Variants in TRPC4 observed in about 807,000 individuals in gnomAD.
TRPC4 encodes the protein short transient receptor potential channel 4.
In TRPC4, 49 loss-of-function variants were observed where a neutral mutation model predicts 99.4. That is an observed-to-expected ratio of 0.49 (90% CI 0.39 to 0.63). The LOEUF is 0.63. Among genes scored for constraint, TRPC4 ranks in the 20% least tolerant of loss-of-function variants. The pLI is 0.00. For missense variants in TRPC4, 898 were observed against 1,152.9 expected (o/e 0.78, Z 3.20); for synonymous variants, 454 against 425.9 (o/e 1.07, Z -0.81).
intron 1 of TRPC4, among the ~76,000 whole-genome samples, chr13:37,804,573 T>G (rs1957483008): frequency 6.6e-6 from 1 of 152,252 alleles, no homozygotes; most frequent in Non-Finnish European, 1.5e-5. Flanking sequence ...TTTTATAGAT[T>G]GGAAAGTATT....
intron 5 of TRPC4, among the ~76,000 whole-genome samples, chr13:37,673,698 T>C (rs572523936): frequency 1.3e-4 from 20 of 152,156 alleles, no homozygotes; most frequent in South Asian, 2.1e-4. Flanking sequence ...GGGGGAGTAA[T>C]GAGTGTGTGA....
At chr13:37,689,119 GTT>G (rs1953594489) in intron 4 of TRPC4, among the ~76,000 whole-genome samples, 1 of 152,178 alleles carries the variant, frequency 6.6e-6, no homozygotes, top group Admixed American at 6.5e-5. Context: ...GAAAGGATCA[GTT>G]TTCTCTGCCT....
At chr13:37,799,845 GACA>G (rs1957358740) in intron 1 of TRPC4, among the ~76,000 whole-genome samples, 1 of 152,142 alleles carries the variant, frequency 6.6e-6, no homozygotes, top group Admixed American at 6.5e-5. Flanking sequence ...CATCAAAACT[GACA>G]ATGAAAAAAT....
At chr13:37,833,123 G>A (rs9548060) in intron 1 of TRPC4, among the ~76,000 whole-genome samples, 34,197 of 151,790 alleles carry the variant, frequency 0.23, 4,010 homozygotes, top group African/African-American at 0.28. Context: ...TTGCTTCACA[G>A]AGATTTTTAA....
intron 5 of TRPC4, among the ~76,000 whole-genome samples, chr13:37,666,911 C>G (rs561289860): frequency 1.2e-4 from 18 of 149,164 alleles, no homozygotes; most frequent in African/African-American, 4.4e-4. Flanking sequence ...CTATTCTCAA[C>G]TATACATCTC....
At chr13:37,695,162 C>T (rs1953865511) in intron 3 of TRPC4, among the ~76,000 whole-genome samples, 1 of 151,910 alleles carries the variant, frequency 6.6e-6, no homozygotes, top group African/African-American at 2.4e-5. Flanking sequence ...CTGACTACCT[C>T]CCTCTCTTCC....
intron 3 of TRPC4, among the ~76,000 whole-genome samples, chr13:37,739,845 C>T (rs535738853): frequency 6.3e-4 from 96 of 152,064 alleles, no homozygotes; most frequent in African/African-American, 2.2e-3. Context: ...ATTTTCATAG[C>T]ATGAAATATT....
intron 6 of TRPC4, among the ~76,000 whole-genome samples, chr13:37,662,071 G>T (rs1566077309): frequency 6.6e-6 from 1 of 152,132 alleles, no homozygotes; most frequent in African/African-American, 2.4e-5. Flanking sequence ...CACTTTGGGA[G>T]GCTGTGGTGG....
intron 1 of TRPC4, among the ~76,000 whole-genome samples, chr13:37,813,069 CA>C (rs1957750336): frequency 6.6e-6 from 1 of 151,630 alleles, no homozygotes; most frequent in Non-Finnish European, 1.5e-5. Context: ...TAACCAACCA[CA>C]AAGGCATAAA....
intron 1 of TRPC4, among the ~76,000 whole-genome samples, chr13:37,796,121 G>C (rs936094646): frequency 2.5e-4 from 38 of 152,064 alleles, no homozygotes; most frequent in African/African-American, 8.4e-4. Context: ...GAGTGAGGCT[G>C]GTCTCAGAAT....
intron 4 of TRPC4, among the ~76,000 whole-genome samples, chr13:37,685,552 G>T (rs556084093): frequency 1.3e-5 from 2 of 151,814 alleles, no homozygotes; most frequent in Admixed American, 6.6e-5. Flanking sequence ...TTATTACTAC[G>T]ATTACTACTA....
chr13:37,789,111 G>C (rs1957046449), intron 1 of TRPC4, among the ~76,000 whole-genome samples: 1 of 151,984 alleles, frequency 6.6e-6, no homozygotes, highest in African/African-American at 2.4e-5. Flanking sequence ...CTTTCTTACT[G>C]ATAGTCTCTA....
Position 37,707,897 on chromosome 13 carries a change from G to A in TRPC4, c.898-15562C>T, listed in dbSNP as rs193258699. Among the ~76,000 whole-genome samples, 46 of 152,236 alleles carry A rather than the reference G, an allele frequency of 3.0e-4. 1 individual carries two copies. The highest frequency in any genetic ancestry group is 1.8e-3 in the Admixed American group (28 of 15,252). The stretch of plus-strand genomic sequence containing the variant: ...TAAGAAATGATAAAAGACAGTGAAA[G>A]CCAGAGATGTAGGTCCCAAAACTGA... On this transcript the variant is annotated intron_variant, in intron 3 of 10. Coordinates refer to ENST00000379705, the MANE Select transcript of TRPC4 (RefSeq NM_016179.4).
In TRPC4 at chr13:37,698,167, C is replaced by CTTTTTTT. The variant is rs67611413; in HGVS notation, c.898-5839_898-5833dup. Among the ~76,000 whole-genome samples the CTTTTTTT allele has an allele frequency of 2.0e-3, 83 of 42,562 alleles. 16 individuals are homozygous for CTTTTTTT. Among genetic ancestry groups the CTTTTTTT allele is most frequent in the Non-Finnish European group, 2.1e-3 (57 of 26,720 alleles). 27.9% of individuals were successfully genotyped at this position (42,562 alleles called of 152,430 possible). ...TCTCAAGGTTACTCCAAGGACTAAC[C>CTTTTTTT]TTTTTTTTTTTGAGTGGGAATCTCA... On this transcript the variant is annotated intron_variant, in intron 3 of 10. Coordinates refer to ENST00000379705, the MANE Select transcript of TRPC4 (RefSeq NM_016179.4).
chr13:37,672,172 T>C (rs1308944194), intron 5 of TRPC4, among the ~76,000 whole-genome samples: 1 of 152,156 alleles, frequency 6.6e-6, no homozygotes, highest in Non-Finnish European at 1.5e-5. Flanking sequence ...TCCACAAATA[T>C]CCATTAATCT....
chr13:37,767,788 C>G (rs1956422904), intron 2 of TRPC4, among the ~76,000 whole-genome samples: 1 of 151,294 alleles, frequency 6.6e-6, no homozygotes, highest in South Asian at 2.1e-4. Flanking sequence ...ATTCATCCAT[C>G]TACCTTTCCA....
At chr13:37,672,766 T>C (rs1159031302) in intron 5 of TRPC4, among the ~76,000 whole-genome samples, 1 of 152,208 alleles carries the variant, frequency 6.6e-6, no homozygotes, top group Non-Finnish European at 1.5e-5. Context: ...AAGAGTACCT[T>C]CTGCTGTCTT....
chr13:37,650,886 C>T (rs531518057), intron 8 of TRPC4, among the ~76,000 whole-genome samples: 5 of 152,114 alleles, frequency 3.3e-5, no homozygotes, highest in African/African-American at 1.2e-4. Flanking sequence ...AGCATACGAT[C>T]CAGAGGGGGA....
At chr13:37,758,576 A>G (rs528211018) in intron 2 of TRPC4, among the ~76,000 whole-genome samples, 29 of 151,934 alleles carry the variant, frequency 1.9e-4, no homozygotes, top group Non-Finnish European at 3.5e-4. Context: ...ATAAAATATT[A>G]AGAAACAAGA....
Sources: gnomAD v4.1 joint callset for allele counts (sites outside exome capture counted in the v4.1 genomes callset) on GRCh38, gnomAD v4.1.1 for gene constraint, MANE v1.5 for transcripts, NCBI Gene and HGNC (gene_info 2026-07-23, HGNC 2026-07-21) for gene names.